GLIPR1L1: variants seen among roughly 807,000 people sequenced by gnomAD.
GLIPR1L1 encodes the protein GLIPR1 like 1.
GLIPR1L1 carries 26 observed loss-of-function variants against 29.9 expected under a neutral mutation model. The ratio of observed to expected loss-of-function variants is 0.87; its 90% confidence interval spans 0.64 to 1.21. GLIPR1L1 has a LOEUF of 1.21. Among genes scored for constraint, GLIPR1L1 ranks in the 50% most tolerant of loss-of-function variants. GLIPR1L1 has a pLI of 0.00. For missense variants in GLIPR1L1, 305 were observed against 290.3 expected (o/e 1.05, Z -0.37); for synonymous variants, 77 against 97.5 (o/e 0.79, Z 1.24).
Position 75,363,116 on chromosome 12 carries a change from A to T in GLIPR1L1, c.536A>T (p.Asn179Ile). ...CTTTTTTACAGAGGAAATTTTGCAA[A>T]TATGCCTCCTTACGTAAGAGGAGAA... is the stretch of plus-strand genomic sequence containing the variant. Reference protein sequence around the residue: ...CNYGPAGNFANMPPYVRGESC... With the variant: ...CNYGPAGNFAIMPPYVRGESC... The change falls in exon 4 of 6, where the codon AAT becomes ATT. Residue 179 changes from asparagine to isoleucine, a missense_variant. Transcript: ENST00000378695. 1 of 1,555,808 alleles carries T rather than the reference A, an allele frequency of 6.4e-7. No individual in the cohort carries two copies. Among genetic ancestry groups the T allele is most frequent in the Non-Finnish European group, 8.6e-7 (1 of 1,156,754 alleles).
chr12:75,359,357 C>CTTTTTTT lies in GLIPR1L1; in HGVS notation c.522-3721_522-3715dup, dbSNP rs61616225. ...GAGTTAGAAGACTCAGCATTGTTGT[C>CTTTTTTT]TTTTTTTTTTTTTTTTTTTTTTTTT... On this transcript the variant is annotated intron_variant, in intron 3 of 5. Coordinates refer to ENST00000378695, the MANE Select transcript of GLIPR1L1 (RefSeq NM_001304964.2). 1.7e-3 allele frequency among the ~76,000 whole-genome samples: 50 copies of CTTTTTTT among 28,604 alleles called. 3 individuals are homozygous for CTTTTTTT. The highest frequency in any genetic ancestry group is 2.1e-3 in the Non-Finnish European group (32 of 15,192). The allele number at this position is 28,604 out of a possible 152,430, so 18.8% of individuals were successfully genotyped here. A position where few individuals can be genotyped will look rare whatever the true frequency, so the allele number is the denominator to read the frequency against.
intron 3 of GLIPR1L1, among the ~76,000 whole-genome samples, chr12:75,353,619 G>A (rs941408253): frequency 2.0e-5 from 3 of 152,094 alleles, no homozygotes; most frequent in Non-Finnish European, 2.9e-5. Context: ...AACTGAAAAG[G>A]AGGGACTCCT....
At chr12:75,364,299 G>T (rs892355899) in intron 4 of GLIPR1L1, among the ~76,000 whole-genome samples, 2 of 152,202 alleles carry the variant, frequency 1.3e-5, no homozygotes, top group African/African-American at 4.8e-5. Flanking sequence ...AAAAGTAGAG[G>T]TCCATTCAGA....
At chr12:75,353,497 T>G (rs776751445) in intron 3 of GLIPR1L1, among the ~76,000 whole-genome samples, 80 of 152,178 alleles carry the variant, frequency 5.3e-4, no homozygotes, top group Non-Finnish European at 9.8e-4. Context: ...ATTGAGGCAG[T>G]AATGAACAGC....
At chr12:75,347,743 A>T (rs774874198) in intron 3 of GLIPR1L1, 21 bp downstream of exon 3, 8 of 1,477,030 alleles carry the variant, frequency 5.4e-6, no homozygotes, top group Non-Finnish European at 6.6e-6. Context: ...TTCTCTTAAA[A>T]ATATTTTAAT....
At chr12:75,352,384 C>T (rs2042874683) in intron 3 of GLIPR1L1, among the ~76,000 whole-genome samples, 1 of 152,078 alleles carries the variant, frequency 6.6e-6, no homozygotes, top group Non-Finnish European at 1.5e-5. Flanking sequence ...TTTAAACCAA[C>T]AAAGATCAAA....
At chr12:75,339,309 G>A (rs1412436991) in intron 1 of GLIPR1L1, among the ~76,000 whole-genome samples, 1 of 152,062 alleles carries the variant, frequency 6.6e-6, no homozygotes, top group Non-Finnish European at 1.5e-5. Context: ...GGCCTAAGAT[G>A]GTATCCAATT....
At chr12:75,353,383 T>C (rs923066316) in intron 3 of GLIPR1L1, among the ~76,000 whole-genome samples, 24 of 152,162 alleles carry the variant, frequency 1.6e-4, no homozygotes, top group Non-Finnish European at 3.2e-4. Context: ...GCAAATCACT[T>C]GGAAAATCTA....
At chr12:75,347,879 G>A (rs1159360405) in intron 3 of GLIPR1L1, among the ~76,000 whole-genome samples, 157 bp downstream of exon 3, 1 of 152,048 alleles carries the variant, frequency 6.6e-6, no homozygotes, top group Non-Finnish European at 1.5e-5. Context: ...AGAAGATGGT[G>A]ACAGAATATT....
intron 1 of GLIPR1L1, among the ~76,000 whole-genome samples, chr12:75,335,784 A>G (rs2041692284): frequency 6.6e-6 from 1 of 152,072 alleles, no homozygotes; most frequent in South Asian, 2.1e-4. Context: ...AATTGTTAAG[A>G]TATTTTAATA....
chr12:75,368,589 T>G (rs1356153931), intron 4 of GLIPR1L1, among the ~76,000 whole-genome samples: 1 of 151,826 alleles, frequency 6.6e-6, no homozygotes, highest in Non-Finnish European at 1.5e-5. Flanking sequence ...TAGATCCTTG[T>G]TAACTTTTTT....
In GLIPR1L1 at chr12:75,343,866, T is replaced by G; in HGVS notation, c.348T>G (p.Ala116=). Residue 116 remains alanine (A), a synonymous_variant, in exon 2 of 6, where the codon GCT becomes GCG. Coordinates refer to ENST00000378695, the MANE Select transcript of GLIPR1L1 (RefSeq NM_001304964.2). ...TCACACCAAGACATGCCATTACGGC[T>G]TGGTATAATGAAACCCAATTTTATG... The part of the protein sequence containing the change: ...KSFTPRHAIT[A]WYNETQFYDF... 1 of 1,612,946 alleles carries G rather than the reference T, an allele frequency of 6.2e-7. No individual in the cohort carries two copies. Among genetic ancestry groups the G allele is most frequent in the Non-Finnish European group, 8.5e-7 (1 of 1,179,082 alleles).
intron 3 of GLIPR1L1, among the ~76,000 whole-genome samples, chr12:75,362,880 T>C (rs183113796): frequency 6.6e-6 from 1 of 152,312 alleles, no homozygotes; most frequent in Admixed American, 6.5e-5. Flanking sequence ...ATTATTCTTC[T>C]ATAGAATATT....
chr12:75,344,973 C>T (rs531485014), intron 2 of GLIPR1L1, among the ~76,000 whole-genome samples: 7 of 152,134 alleles, frequency 4.6e-5, no homozygotes, highest in Non-Finnish European at 7.4e-5. Context: ...TTGTGTAAAC[C>T]GTGGTATTAT....
At chr12:75,335,167 CTAAAGTTA>C (rs2041639375) in intron 1 of GLIPR1L1, among the ~76,000 whole-genome samples, 1 of 152,122 alleles carries the variant, frequency 6.6e-6, no homozygotes, top group Non-Finnish European at 1.5e-5. Flanking sequence ...TGTTGCACCA[CTAAAGTTA>C]TAAGTACTGA....
At chr12:75,361,520 AC>A (rs1296075055) in intron 3 of GLIPR1L1, among the ~76,000 whole-genome samples, 3 of 152,144 alleles carry the variant, frequency 2.0e-5, no homozygotes, top group Non-Finnish European at 4.4e-5. Flanking sequence ...TGGGGCTTGC[AC>A]CCTCTGAAGC....
intron 3 of GLIPR1L1, among the ~76,000 whole-genome samples, chr12:75,359,232 G>A (rs2043380048): frequency 6.6e-6 from 1 of 150,822 alleles, no homozygotes; most frequent in African/African-American, 2.4e-5. Flanking sequence ...TCTAGGAATA[G>A]ATCTGGCAAA....
intron 4 of GLIPR1L1, chr12:75,367,071 G>C (rs1239138675): frequency 5.7e-6 from 4 of 698,432 alleles, no homozygotes; most frequent in African/African-American, 1.8e-5. Context: ...AAAATGCACA[G>C]ACAAGCCAAC....
chr12:75,370,186 T>C lies in GLIPR1L1; in HGVS notation c.*10T>C, dbSNP rs756287444. ...TCTGAGAATCTTTTAATGTCATTTA[T>C]ATACAAAAGAAATTCTCAAATGTTA... On this transcript the variant is annotated 3_prime_UTR_variant, in exon 6 of 6. Transcript: ENST00000378695. 3.1e-6 allele frequency: 4 copies of C among 1,286,882 alleles called. No individual in the cohort carries two copies. Among genetic ancestry groups the C allele is most frequent in the South Asian group, 1.2e-5 (1 of 83,630 alleles). 79.7% of individuals were successfully genotyped at this position (1,286,882 alleles called of 1,614,324 possible).
Sources: allele counts gnomAD v4.1 joint callset (sites outside exome capture counted in the v4.1 genomes callset), GRCh38; gene constraint gnomAD v4.1.1; transcripts MANE v1.5; gene names NCBI Gene and HGNC (gene_info 2026-07-23, HGNC 2026-07-21).